The following CACNA2D3 variants were observed in gnomAD, a reference collection of about 807,000 sequenced individuals.
CACNA2D3 encodes the protein voltage-dependent calcium channel subunit alpha-2/delta-3.
CACNA2D3 carries 60 observed loss-of-function variants against 160.6 expected under a neutral mutation model. That is an observed-to-expected ratio of 0.37 (90% CI 0.30 to 0.46). The LOEUF (loss-of-function observed/expected upper bound fraction) is 0.46. Among genes scored for constraint, CACNA2D3 ranks in the 20% least tolerant of loss-of-function variants. The pLI is 1.00. For synonymous variants in CACNA2D3, 558 were observed against 492.9 expected, an observed-to-expected ratio of 1.13 and a Z score of -1.75; for missense variants, 1,205 against 1,365.0, an observed-to-expected ratio of 0.88 and a Z score of 1.85.
Position 54,728,330 on chromosome 3 carries a change from ATCT to A in CACNA2D3, c.1168-24265_1168-24263del, listed in dbSNP as rs200000784. On this transcript the variant is annotated intron_variant, in intron 11 of 37. Coordinates refer to ENST00000474759, the MANE Select transcript of CACNA2D3 (RefSeq NM_018398.3). ...TTCTACTGACTTCTCCAGTTCATTA[ATCT>A]TCTCTTCGGTAGTGTCTAATCTTCT... Among the ~76,000 whole-genome samples, 1,204 of 152,228 alleles carry A rather than the reference ATCT, an allele frequency of 7.9e-3. 8 individuals carry two copies. The highest frequency in any genetic ancestry group is 0.011 in the Non-Finnish European group (762 of 68,014).
intron 6 of CACNA2D3, among the ~76,000 whole-genome samples, chr3:54,564,830 G>C (rs1702383773): frequency 6.6e-6 from 1 of 152,176 alleles, no homozygotes; most frequent in Non-Finnish European, 1.5e-5. Context: ...CACAATTCCA[G>C]CTAGCTCCAG....
At chr3:54,771,025 G>T (rs1702311131) in intron 13 of CACNA2D3, among the ~76,000 whole-genome samples, 1 of 152,098 alleles carries the variant, frequency 6.6e-6, no homozygotes. Flanking sequence ...TTTCTATAGG[G>T]TAATTTTCCT....
chr3:54,220,359 TA>T (rs1701544865), intron 2 of CACNA2D3, among the ~76,000 whole-genome samples: 1 of 152,190 alleles, frequency 6.6e-6, no homozygotes, highest in African/African-American at 2.4e-5. Flanking sequence ...TTTGTTAAAA[TA>T]AGTTTTCAAA....
At chr3:54,453,324 G>C (rs1421587072) in intron 4 of CACNA2D3, among the ~76,000 whole-genome samples, 1 of 152,114 alleles carries the variant, frequency 6.6e-6, no homozygotes, top group East Asian at 1.9e-4. Context: ...GGTTATATTG[G>C]ATTTAGGGCT....
At position 54,690,990 on chromosome 3, in the gene CACNA2D3, A is replaced by G. The variant is rs1345888316; in HGVS notation, c.1167+48749A>G. 2.0e-5 allele frequency among the ~76,000 whole-genome samples: 3 copies of G among 152,212 alleles called. No individual in the cohort carries two copies. In the South Asian group the frequency reaches 6.2e-4, roughly 32 times the overall value. Reference sequence around the variant, plus strand: ...TGGTGGTGTGTGGCCTACAAATGGCAAGGAAGTATGAAGTTTTTTGGTTGA... The same window carrying G: ...TGGTGGTGTGTGGCCTACAAATGGCGAGGAAGTATGAAGTTTTTTGGTTGA... On this transcript the variant is annotated intron_variant, in intron 11 of 37. Coordinates refer to ENST00000474759, the MANE Select transcript of CACNA2D3 (RefSeq NM_018398.3).
chr3:54,293,577 A>G (rs992734325), intron 2 of CACNA2D3, among the ~76,000 whole-genome samples: 2 of 149,716 alleles, frequency 1.3e-5, no homozygotes, highest in African/African-American at 2.4e-5. Flanking sequence ...ATATATATAT[A>G]TCAATATATC....
At chr3:54,246,839 G>A (rs1025169545) in intron 2 of CACNA2D3, among the ~76,000 whole-genome samples, 1 of 152,188 alleles carries the variant, frequency 6.6e-6, no homozygotes, top group South Asian at 2.1e-4. Flanking sequence ...GAGAAAAGCT[G>A]CTATGAACCA....
At chr3:54,779,330 C>G (rs889182164) in intron 13 of CACNA2D3, among the ~76,000 whole-genome samples, 3 of 152,114 alleles carry the variant, frequency 2.0e-5, no homozygotes, top group African/African-American at 2.4e-5. Context: ...AACTCCTCAC[C>G]TTAGGTGATC....
At chr3:54,220,088 C>T (rs1244527218) in intron 2 of CACNA2D3, among the ~76,000 whole-genome samples, 1 of 151,924 alleles carries the variant, frequency 6.6e-6, no homozygotes, top group East Asian at 1.9e-4. Context: ...TTGAGAACTT[C>T]CATACAAAGG....
intron 3 of CACNA2D3, among the ~76,000 whole-genome samples, chr3:54,379,384 G>A (rs1429241221): frequency 6.6e-6 from 1 of 152,172 alleles, no homozygotes; most frequent in Non-Finnish European, 1.5e-5. Context: ...GATAGTTGGT[G>A]ATTTATATGT....
At chr3:54,410,873 A>G (rs1396775304) in intron 4 of CACNA2D3, among the ~76,000 whole-genome samples, 1 of 152,218 alleles carries the variant, frequency 6.6e-6, no homozygotes, top group Admixed American at 6.5e-5. Flanking sequence ...AAGTAAATTG[A>G]AAAGCTTTTG....
At chr3:55,036,994 A>G (rs1703831817) in intron 35 of CACNA2D3, among the ~76,000 whole-genome samples, 1 of 150,022 alleles carries the variant, frequency 6.7e-6, no homozygotes, top group Admixed American at 6.7e-5. Flanking sequence ...GGGAATCTGC[A>G]CTTTGGCCAG....
chr3:55,004,312 C>G (rs1055982194), intron 31 of CACNA2D3, among the ~76,000 whole-genome samples: 1 of 152,178 alleles, frequency 6.6e-6, no homozygotes. Flanking sequence ...AACCTGTTTC[C>G]TGGTGCTTAA....
chr3:54,444,874 A>T (rs1700196587), intron 4 of CACNA2D3, among the ~76,000 whole-genome samples: 1 of 152,236 alleles, frequency 6.6e-6, no homozygotes, highest in Non-Finnish European at 1.5e-5. Flanking sequence ...TGCTTTAGAG[A>T]TAAACATCCG....
At chr3:54,277,659 T>C (rs1328448620) in intron 2 of CACNA2D3, among the ~76,000 whole-genome samples, 1 of 152,246 alleles carries the variant, frequency 6.6e-6, no homozygotes, top group Non-Finnish European at 1.5e-5. Context: ...TTTCTAATTC[T>C]GTGAAGAAAG....
intron 11 of CACNA2D3, among the ~76,000 whole-genome samples, chr3:54,698,844 C>T (rs1311895375): frequency 7.9e-5 from 12 of 152,146 alleles, no homozygotes; most frequent in Admixed American, 7.9e-4. Flanking sequence ...TTATCTCCCA[C>T]CCTGTGTGTT....
chr3:54,901,927 G>A (rs369581724), intron 27 of CACNA2D3, among the ~76,000 whole-genome samples: 5 of 152,144 alleles, frequency 3.3e-5, no homozygotes, highest in African/African-American at 1.2e-4. Context: ...ATCACTGTGT[G>A]ATTAGGTTTG....
intron 27 of CACNA2D3, among the ~76,000 whole-genome samples, chr3:54,900,650 G>C (rs1700305621): frequency 6.6e-6 from 1 of 152,160 alleles, no homozygotes; most frequent in Admixed American, 6.5e-5. Context: ...CACCATCCTG[G>C]TATTGGCTGG....
At chr3:54,649,027 AC>A (rs1401916749) in intron 11 of CACNA2D3, among the ~76,000 whole-genome samples, 1 of 152,210 alleles carries the variant, frequency 6.6e-6, no homozygotes, top group Non-Finnish European at 1.5e-5. Flanking sequence ...GTAGGGGCAA[AC>A]ATCCAAACTA....
Sources: gnomAD v4.1 joint callset for allele counts (sites outside exome capture counted in the v4.1 genomes callset) on GRCh38, gnomAD v4.1.1 for gene constraint, MANE v1.5 for transcripts, NCBI Gene and HGNC (gene_info 2026-07-23, HGNC 2026-07-21) for gene names.